The following ZHX2 variants were observed in gnomAD, a reference collection of about 807,000 sequenced individuals.
The protein encoded by ZHX2 is zinc fingers and homeoboxes protein 2.
ZHX2 carries 6 observed loss-of-function variants against 21.9 expected under a neutral mutation model. That is an observed-to-expected ratio of 0.27 (90% CI 0.15 to 0.54). The LOEUF is 0.54. ZHX2 is among the 20% of genes least tolerant of loss of function. The probability of loss-of-function intolerance (pLI) is 0.95; values close to 1 mark genes in which losing one functional copy is unlikely to be tolerated. For missense variants in ZHX2, 908 were observed against 1,090.7 expected, an observed-to-expected ratio of 0.83 and a Z score of 2.36; for synonymous variants, 434 against 437.1, an observed-to-expected ratio of 0.99 and a Z score of 0.09.
At chr8:122,944,570 C>T (rs1178542424) in intron 2 of ZHX2, among the ~76,000 whole-genome samples, 1 of 151,186 alleles carries the variant, frequency 6.6e-6, no homozygotes, top group African/African-American at 2.4e-5. Flanking sequence ...CAAGTGGCCC[C>T]GCTCTACACT....
In ZHX2 at chr8:122,952,997, G is replaced by A. The variant is rs1218973972; in HGVS notation, c.1487G>A (p.Arg496Lys). Residue 496 changes from arginine (R) to lysine (K), a missense_variant, in exon 3 of 4, where the codon AGG becomes AAG. Arg to Lys is a conservative substitution (Grantham distance 26). Transcript: ENST00000314393. The surrounding 1 kb of genome is among the most constrained non-coding windows in gnomAD (Gnocchi z 6.9). Reference sequence around the variant, plus strand: ...AGTGACCACCGATATCGGTGTCAAAGGGGCATCGTCCACATCACCAGCGAA... The same window carrying A: ...AGTGACCACCGATATCGGTGTCAAAAGGGCATCGTCCACATCACCAGCGAA... ...WFSDHRYRCQRGIVHITSESL... is the reference protein window; with the variant it reads ...WFSDHRYRCQKGIVHITSESL... 1.2e-6 allele frequency: 2 copies of A among 1,614,010 alleles called. No individual in the cohort carries two copies. Among genetic ancestry groups the A allele is most frequent in the South Asian group, 2.2e-5 (2 of 91,064 alleles).
At chr8:122,881,846 C>T (rs776426428) in intron 2 of ZHX2, among the ~76,000 whole-genome samples, 9 of 152,272 alleles carry the variant, frequency 5.9e-5, no homozygotes, top group South Asian at 4.1e-4. Flanking sequence ...AGCCACTGCG[C>T]GACTCTCACT....
At chr8:122,897,420 C>T (rs961911211) in intron 2 of ZHX2, among the ~76,000 whole-genome samples, 7 of 152,184 alleles carry the variant, frequency 4.6e-5, no homozygotes, top group African/African-American at 1.7e-4. Flanking sequence ...TAAGACATCA[C>T]TGATGATTAC....
At chr8:122,963,484 C>T (rs1813507483) in intron 3 of ZHX2, among the ~76,000 whole-genome samples, 10 of 152,042 alleles carry the variant, frequency 6.6e-5, no homozygotes, top group Admixed American at 6.6e-4. Flanking sequence ...GGTCTATGTG[C>T]CTGTTTTTAT....
At chr8:122,813,737 G>A (rs11780382) in intron 1 of ZHX2, among the ~76,000 whole-genome samples, 39,318 of 152,058 alleles carry the variant, frequency 0.26, 5,262 homozygotes, top group African/African-American at 0.33. Flanking sequence ...AAAATGGAAT[G>A]CTCCACTCAG....
rs549405326 is a variant in ZHX2, at chr8:122,782,515, C to T, written c.-283+569C>T. On this transcript the variant is annotated intron_variant, in intron 1 of 3. Coordinates refer to ENST00000314393, the MANE Select transcript of ZHX2 (RefSeq NM_014943.5). The surrounding 1 kb of genome is among the most constrained non-coding windows in gnomAD (Gnocchi z 5.3). ...CGTGTGTCTGCTCCCCTCCCTCCCCCTCTCCCCTCGCTCCCCTCTCCCGGT... is the reference window on the plus strand; with the variant it reads ...CGTGTGTCTGCTCCCCTCCCTCCCCTTCTCCCCTCGCTCCCCTCTCCCGGT... Among the ~76,000 whole-genome samples, 7 of 152,200 alleles carry T rather than the reference C, an allele frequency of 4.6e-5. No homozygotes were observed. In the South Asian group the frequency reaches 6.2e-4, roughly 14 times the overall value.
chr8:122,949,380 G>A (rs1316984810), intron 2 of ZHX2, among the ~76,000 whole-genome samples: 1 of 151,540 alleles, frequency 6.6e-6, no homozygotes, highest in Non-Finnish European at 1.5e-5. Flanking sequence ...ACTTAGTAAA[G>A]CATTAGTATT....
At chr8:122,946,645 C>T (rs372050226) in intron 2 of ZHX2, among the ~76,000 whole-genome samples, 21 of 152,274 alleles carry the variant, frequency 1.4e-4, no homozygotes, top group African/African-American at 5.1e-4. Flanking sequence ...CCTGGGTCTA[C>T]TCCTGCCTGA....
chr8:122,794,573 T>C (rs907133683), intron 1 of ZHX2, among the ~76,000 whole-genome samples: 4 of 152,104 alleles, frequency 2.6e-5, no homozygotes, highest in Non-Finnish European at 4.4e-5. Flanking sequence ...TCTAAAGATA[T>C]TTAGATTTTT....
chr8:122,955,077 G>GC (rs1563605495), intron 3 of ZHX2, among the ~76,000 whole-genome samples: 1 of 145,878 alleles, frequency 6.9e-6, no homozygotes, highest in African/African-American at 2.5e-5. Flanking sequence ...GCCGGGGGGG[G>GC]GGGGGTGGCA....
At chr8:122,950,594 A>T (rs964063210) in intron 2 of ZHX2, among the ~76,000 whole-genome samples, 3 of 152,200 alleles carry the variant, frequency 2.0e-5, no homozygotes, top group South Asian at 2.1e-4. Context: ...ATAAAATTTT[A>T]AAAAAGTCCA....
chr8:122,835,502 A>T (rs150419728), intron 1 of ZHX2, among the ~76,000 whole-genome samples: 238 of 152,164 alleles, frequency 1.6e-3, no homozygotes, highest in South Asian at 2.7e-3. Flanking sequence ...TGAGTAGGGG[A>T]CGGTGTAGGA....
In ZHX2 at chr8:122,781,845, TG is replaced by T. The variant is rs1290776649; in HGVS notation, c.-380del. ...CCCGAGCCGGGCGCCCGGTGGGGAG[TG>T]GGGAGTGGGTGGGGGGAGCCAGCAG... On this transcript the variant is annotated 5_prime_UTR_variant, in exon 1 of 4. Coordinates refer to ENST00000314393, the MANE Select transcript of ZHX2 (RefSeq NM_014943.5). The surrounding 1 kb of genome is among the most constrained non-coding windows in gnomAD (Gnocchi z 4.6). 6.7e-6 allele frequency: 1 copy of T among 150,198 alleles called. No individual in the cohort carries two copies. Among genetic ancestry groups the T allele is most frequent in the East Asian group, 2.0e-4 (1 of 5,044 alleles). The allele number at this position is 150,198 out of a possible 1,614,324, so 9.3% of individuals were successfully genotyped here.
chr8:122,797,314 A>G (rs1289153328), intron 1 of ZHX2, among the ~76,000 whole-genome samples: 1 of 152,154 alleles, frequency 6.6e-6, no homozygotes, highest in Non-Finnish European at 1.5e-5. Flanking sequence ...AGGCTGCTGG[A>G]GGAGAGGAAG....
intron 2 of ZHX2, among the ~76,000 whole-genome samples, chr8:122,901,986 G>C (rs184784458): frequency 6.6e-6 from 1 of 151,728 alleles, no homozygotes; most frequent in Non-Finnish European, 1.5e-5. Flanking sequence ...TTTGTATTCT[G>C]CCTTTTTTTC....
At chr8:122,867,067 C>A (rs1432371174) in intron 2 of ZHX2, among the ~76,000 whole-genome samples, 1 of 151,754 alleles carries the variant, frequency 6.6e-6, no homozygotes, top group African/African-American at 2.4e-5. Flanking sequence ...CCCTGGACCT[C>A]AAGTGATCCG....
chr8:122,936,597 T>C (rs1050728171), intron 2 of ZHX2, among the ~76,000 whole-genome samples: 1 of 152,226 alleles, frequency 6.6e-6, no homozygotes, highest in Non-Finnish European at 1.5e-5. Context: ...AAACTCTGTC[T>C]GTCGGGATGT....
intron 2 of ZHX2, among the ~76,000 whole-genome samples, chr8:122,936,672 T>C (rs1812701329): frequency 6.6e-6 from 1 of 152,132 alleles, no homozygotes; most frequent in Non-Finnish European, 1.5e-5. Flanking sequence ...TGTGGAAAAA[T>C]CTGTGAGTCT....
intron 1 of ZHX2, among the ~76,000 whole-genome samples, chr8:122,814,284 G>T (rs1459706193): frequency 6.6e-6 from 1 of 152,172 alleles, no homozygotes; most frequent in African/African-American, 2.4e-5. Context: ...TTATTCTCCG[G>T]GAACTGGCTG....
Sources: gnomAD v4.1 joint callset for allele counts (sites outside exome capture counted in the v4.1 genomes callset) on GRCh38, gnomAD v4.1.1 for gene constraint, Gnocchi (gnomAD v3.1) non-coding constraint, MANE v1.5 for transcripts, NCBI Gene and HGNC (gene_info 2026-07-23, HGNC 2026-07-21) for gene names.